The following RYR2 variants were observed in gnomAD, a reference collection of about 807,000 sequenced individuals.
RYR2 encodes the protein cardiac muscle ryanodine receptor-calcium release channel.
In RYR2, 227 loss-of-function variants were observed where a neutral mutation model predicts 601.1. That is an observed-to-expected ratio of 0.38 (90% confidence interval 0.34 to 0.42). RYR2 has a LOEUF of 0.42. RYR2 is among the 10% of genes least tolerant of loss of function. The pLI, the probability that RYR2 is intolerant of heterozygous loss-of-function variation, is 1.00. For synonymous variants in RYR2, 2,223 were observed against 2,175.1 expected (o/e 1.02, Z -0.61); for missense variants, 4,646 against 6,156.5 (o/e 0.75, Z 8.21).
chr1:237,329,217 C>G (rs1382337331), intron 2 of RYR2, among the ~76,000 whole-genome samples: 5 of 152,026 alleles, frequency 3.3e-5, no homozygotes, highest in Non-Finnish European at 5.9e-5. Flanking sequence ...GGGTCTTGCT[C>G]TGTCACTCAG....
At chr1:237,457,113 C>T (rs1417073358) in intron 16 of RYR2, among the ~76,000 whole-genome samples, 3 of 152,142 alleles carry the variant, frequency 2.0e-5, no homozygotes, top group African/African-American at 7.2e-5. Flanking sequence ...AGGAGAAAGT[C>T]ATTCAGGGTG....
chr1:237,269,854 AG>A (rs1278458188), intron 1 of RYR2, among the ~76,000 whole-genome samples: 2 of 152,176 alleles, frequency 1.3e-5, no homozygotes, highest in Non-Finnish European at 2.9e-5. Context: ...CCCCATGTAC[AG>A]TTTCTTCAGT....
At chr1:237,449,250 G>A (rs2927933) in intron 14 of RYR2, among the ~76,000 whole-genome samples, 19,321 of 151,654 alleles carry the variant, frequency 0.13, 2,140 homozygotes, top group African/African-American at 0.3. Context: ...GTAATATTTT[G>A]TTTGTATTTT....
chr1:237,251,310 G>A (rs1194105341), intron 1 of RYR2, among the ~76,000 whole-genome samples: 6 of 151,914 alleles, frequency 3.9e-5, no homozygotes, highest in African/African-American at 1.2e-4. Flanking sequence ...TCATTCTTAA[G>A]TCCCCTCCAT....
At chr1:237,381,911 A>T (rs976955783) in intron 8 of RYR2, among the ~76,000 whole-genome samples, 1 of 152,220 alleles carries the variant, frequency 6.6e-6, no homozygotes, top group Non-Finnish European at 1.5e-5. Context: ...AAAGGAAAGA[A>T]TTTTTTTTGC....
chr1:237,793,542 A>G (rs904212324), intron 94 of RYR2, among the ~76,000 whole-genome samples: 2 of 152,184 alleles, frequency 1.3e-5, no homozygotes, highest in Non-Finnish European at 2.9e-5. Context: ...TCATGTTGAG[A>G]GATATATGTA....
At chr1:237,771,034 A>G (rs1694229869) in intron 85 of RYR2, 147 bp downstream of exon 85, 1 of 460,440 alleles carries the variant, frequency 2.2e-6, no homozygotes, top group Admixed American at 3.6e-5. Context: ...GGGAACTGGG[A>G]CGTTTTATAT....
At chr1:237,492,933 G>T (rs1663577894) in intron 18 of RYR2, 21 bp from the exon 19 acceptor site, 3 of 1,555,532 alleles carry the variant, frequency 1.9e-6, no homozygotes, top group Non-Finnish European at 2.6e-6. Context: ...AGGATCAGCT[G>T]AAAGTAATTT....
intron 10 of RYR2, among the ~76,000 whole-genome samples, chr1:237,403,837 T>C (rs756132751): frequency 1.3e-5 from 2 of 152,132 alleles, no homozygotes; most frequent in Non-Finnish European, 2.9e-5. Flanking sequence ...TATGTAACTT[T>C]GGAGGTATAG....
chr1:237,043,548 A>T (rs538844197), intron 1 of RYR2, among the ~76,000 whole-genome samples: 32 of 152,252 alleles, frequency 2.1e-4, no homozygotes, highest in Middle Eastern at 3.4e-3. Flanking sequence ...CACACCTCCA[A>T]GCTGGGACTG....
intron 6 of RYR2, among the ~76,000 whole-genome samples, chr1:237,370,730 G>T (rs921430829): frequency 6.8e-6 from 1 of 147,958 alleles, no homozygotes; most frequent in Non-Finnish European, 1.5e-5. Flanking sequence ...GCGCGATCTC[G>T]GCTCACTGCA....
chr1:237,608,986 T>C (rs1486211136), intron 35 of RYR2, among the ~76,000 whole-genome samples: 1 of 151,666 alleles, frequency 6.6e-6, no homozygotes, highest in African/African-American at 2.4e-5. Flanking sequence ...TTTCCTTTCT[T>C]CTTTCTCTCT....
At chr1:237,534,903 T>C (rs1340965547) in intron 25 of RYR2, among the ~76,000 whole-genome samples, 1 of 152,006 alleles carries the variant, frequency 6.6e-6, no homozygotes, top group Non-Finnish European at 1.5e-5. Flanking sequence ...TTGAAATATG[T>C]ATATGCTGTG....
At chr1:237,598,164 T>C (rs1006678975) in intron 34 of RYR2, among the ~76,000 whole-genome samples, 2 of 152,188 alleles carry the variant, frequency 1.3e-5, no homozygotes, top group East Asian at 3.9e-4. Flanking sequence ...TCCAAATATA[T>C]GAAGTATGTT....
chr1:237,481,095 A>AGT (rs1353253880), intron 17 of RYR2, among the ~76,000 whole-genome samples: 59 of 93,910 alleles, frequency 6.3e-4, no homozygotes, highest in Non-Finnish European at 1.0e-3. Flanking sequence ...GTTATTTTTA[A>AGT]GTGTATATAT....
chr1:237,808,970 C>A lies in RYR2; in HGVS notation c.14368C>A (p.Arg4790=). 1.2e-6 allele frequency: 2 copies of A among 1,612,772 alleles called. No individual in the cohort carries two copies. The highest frequency in any genetic ancestry group is 1.7e-6 in the Non-Finnish European group (2 of 1,178,998). ...LYTVVAFNFF[R]KFYNKSEDGD... is the part of the protein sequence containing the mutation. ...CACTGTGGTGGCATTCAATTTTTTC[C>A]GAAAATTCTACAATAAAAGTGAAGA... The change falls in exon 100 of 105, where the codon CGA becomes AGA. Residue 4790 remains arginine, a synonymous_variant. Coordinates refer to ENST00000366574, the MANE Select transcript of RYR2 (RefSeq NM_001035.3).
intron 1 of RYR2, among the ~76,000 whole-genome samples, chr1:237,064,751 C>CTTTTTTTTTTTTTTTTTTTTTTTTTTTT (rs551797601): frequency 9.1e-6 from 1 of 110,010 alleles, no homozygotes; most frequent in African/African-American, 4.0e-5. Context: ...TAGAACCTGT[C>CTTTTTTTTTTTTTTTTTTTTTTTTTTTT]TTTTTTTTTT....
chr1:237,512,608 C>T (rs1348001058), intron 24 of RYR2, among the ~76,000 whole-genome samples: 4 of 152,168 alleles, frequency 2.6e-5, no homozygotes, highest in Non-Finnish European at 2.9e-5. Context: ...CATAGTGACT[C>T]GTGCTTATAA....
Position 237,457,811 on chromosome 1 carries a change from T to A in RYR2, c.1612+1076T>A, listed in dbSNP as rs183209061. Among the ~76,000 whole-genome samples the A allele has an allele frequency of 2.2e-3, 341 of 152,326 alleles. 3 individuals are homozygous for A. Among genetic ancestry groups the A allele is most frequent in the African/African-American group, 7.8e-3 (324 of 41,566 alleles). On this transcript the variant is annotated intron_variant, in intron 16 of 104. Transcript: ENST00000366574. ...ACAGAGACCACGGGGAATGGTCTCTTTCTCTACCCTAACCCTCGCCTCCAA... is the reference window on the plus strand; with the variant it reads ...ACAGAGACCACGGGGAATGGTCTCTATCTCTACCCTAACCCTCGCCTCCAA...
Sources: allele counts gnomAD v4.1 joint callset (sites outside exome capture counted in the v4.1 genomes callset), GRCh38; gene constraint gnomAD v4.1.1; transcripts MANE v1.5; gene names NCBI Gene and HGNC (gene_info 2026-07-23, HGNC 2026-07-21).